MAOA: variants seen among roughly 807,000 people sequenced by gnomAD.
MAOA encodes monoamine oxidase A.
Under a neutral mutation model 42.0 loss-of-function variants are expected in MAOA, and 6 were observed. That is an observed-to-expected ratio of 0.14 (90% CI 0.08 to 0.28). The LOEUF (loss-of-function observed/expected upper bound fraction) is 0.28. MAOA is among the 10% of genes least tolerant of loss of function. The pLI is 1.00. For synonymous variants in MAOA, 140 were observed against 154.0 expected (o/e 0.91, Z 0.67); for missense variants, 262 against 422.3 (o/e 0.62, Z 3.33).
intron 5 of MAOA, among the ~76,000 whole-genome samples, chrX:43,723,098 G>A (rs2033804194): frequency 9.0e-6 from 1 of 111,686 alleles, no homozygotes; most frequent in African/African-American, 3.3e-5. Context: ...TAACCTTGTA[G>A]TATAGTTTGA....
chrX:43,720,783 T>G (rs2033782744), intron 5 of MAOA, among the ~76,000 whole-genome samples: 1 of 100,028 alleles, frequency 1.0e-5, no homozygotes. Flanking sequence ...TGGAATTTGG[T>G]TGTGGGGTGG....
chrX:43,721,688 CT>C (rs377498903), intron 5 of MAOA, among the ~76,000 whole-genome samples: 167 of 99,247 alleles, frequency 1.7e-3, no homozygotes, highest in East Asian at 3.8e-3. Flanking sequence ...CTCATAATTT[CT>C]TTTTTTTTTT....
At chrX:43,711,775 C>A (rs1179221715) in intron 3 of MAOA, 97 bp from the exon 4 acceptor site, 3 of 624,151 alleles carry the variant, frequency 4.8e-6, no homozygotes, top group Non-Finnish European at 8.1e-6. Context: ...GGTTACTTTG[C>A]AAGTCTTAGG....
At position 43,746,199 on chromosome X, in the gene MAOA, T is replaced by C. The variant is rs2033997628; in HGVS notation, c.*1686T>C. On this transcript the variant is annotated 3_prime_UTR_variant, in exon 15 of 15. Transcript: ENST00000338702. ...GAAATGCTGATTTAAACTTCTTAAC[T>C]GGCAACAGTTGGAACAGTAATCAGT... 1 of 112,597 alleles carries C rather than the reference T, an allele frequency of 8.9e-6. No homozygotes were observed. The highest frequency in any genetic ancestry group is 3.2e-5 in the African/African-American group (1 of 31,007). 9.3% of individuals were successfully genotyped at this position (112,597 alleles called of 1,213,427 possible). A position where few individuals can be genotyped will look rare whatever the true frequency, so the allele number is the denominator to read the frequency against.
chrX:43,716,196 G>A (rs1232236942), intron 5 of MAOA, among the ~76,000 whole-genome samples: 1 of 111,483 alleles, frequency 9.0e-6, no homozygotes, highest in Non-Finnish European at 1.9e-5. Flanking sequence ...GATGGTGTAG[G>A]AAGATCGTAT....
intron 2 of MAOA, among the ~76,000 whole-genome samples, chrX:43,684,810 T>C (rs753555523): frequency 1.7e-4 from 19 of 110,782 alleles, no homozygotes; most frequent in African/African-American, 6.2e-4. Context: ...TAGTCCAGGC[T>C]GGTGCTCTTG....
Position 43,746,323 on chromosome X carries a change from C to T in MAOA, c.*1810C>T, listed in dbSNP as rs1022156066. The T allele has an allele frequency of 8.9e-6, 1 of 111,908 alleles. No homozygotes were observed. Among genetic ancestry groups the T allele is most frequent in the Non-Finnish European group, 1.9e-5 (1 of 53,207 alleles). 9.2% of individuals were successfully genotyped at this position (111,908 alleles called of 1,213,427 possible). On this transcript the variant is annotated 3_prime_UTR_variant, in exon 15 of 15. Coordinates refer to ENST00000338702, the MANE Select transcript of MAOA (RefSeq NM_000240.4). ...TTTAATTTATTCTAATTAGATTAAC[C>T]CTATTAATCTATGGATTGGGTATCA... is the stretch of plus-strand genomic sequence containing the variant.
intron 2 of MAOA, among the ~76,000 whole-genome samples, chrX:43,692,602 G>A (rs1299573889): frequency 5.6e-5 from 6 of 106,896 alleles, no homozygotes; most frequent in Non-Finnish European, 1.2e-4. Context: ...AATAGACACA[G>A]ACCCTTTATT....
At chrX:43,724,043 G>A (rs779827284) in intron 5 of MAOA, among the ~76,000 whole-genome samples, 1 of 111,414 alleles carries the variant, frequency 9.0e-6, no homozygotes, top group Non-Finnish European at 1.9e-5. Flanking sequence ...CTTGATCTTG[G>A]TGGATACGCT....
chrX:43,702,228 A>G (rs1335171711), intron 3 of MAOA, among the ~76,000 whole-genome samples: 1 of 111,877 alleles, frequency 8.9e-6, no homozygotes, highest in African/African-American at 3.3e-5. Context: ...TCACGTGCAG[A>G]CTCAAACCTT....
intron 3 of MAOA, among the ~76,000 whole-genome samples, chrX:43,698,997 T>C (rs761889518): frequency 9.0e-6 from 1 of 111,662 alleles, no homozygotes; most frequent in East Asian, 2.8e-4. Context: ...TCTTTATCGG[T>C]TGCACATGGT....
intron 5 of MAOA, among the ~76,000 whole-genome samples, chrX:43,714,850 G>A (rs1156704213): frequency 9.1e-6 from 1 of 109,512 alleles, no homozygotes; most frequent in Non-Finnish European, 1.9e-5. Flanking sequence ...CTCTCTCTGG[G>A]GAGAGAAAGG....
At chrX:43,687,246 G>C (rs1024574531) in intron 2 of MAOA, among the ~76,000 whole-genome samples, 7 of 111,843 alleles carry the variant, frequency 6.3e-5, no homozygotes, top group Non-Finnish European at 1.3e-4. Flanking sequence ...TGAATTTGAG[G>C]CACTTCATTT....
At chrX:43,712,052 G>A (rs1010999060) in intron 4 of MAOA, 76 bp downstream of exon 4, 3 of 764,422 alleles carry the variant, frequency 3.9e-6, no homozygotes, top group Non-Finnish European at 6.1e-6. Context: ...CTTCCATAGT[G>A]CAGGGAACAT....
chrX:43,680,096 A>G (rs754098873), intron 1 of MAOA, among the ~76,000 whole-genome samples: 3 of 112,050 alleles, frequency 2.7e-5, no homozygotes, highest in Non-Finnish European at 5.6e-5. Flanking sequence ...GGCATCAGCA[A>G]TGTAAGAGTA....
At chrX:43,677,356 T>C (rs1318168556) in intron 1 of MAOA, among the ~76,000 whole-genome samples, 1 of 112,030 alleles carries the variant, frequency 8.9e-6, no homozygotes, top group Non-Finnish European at 1.9e-5. Flanking sequence ...GCAGTTGCTT[T>C]AAGAACCTGA....
At chrX:43,699,646 AT>A (rs372833375) in intron 3 of MAOA, among the ~76,000 whole-genome samples, 54 of 107,071 alleles carry the variant, frequency 5.0e-4, no homozygotes, top group Middle Eastern at 4.7e-3. Flanking sequence ...CTCAGCAAGA[AT>A]TTTTTTTTTT....
chrX:43,674,036 G>T (rs1255635370), intron 1 of MAOA, among the ~76,000 whole-genome samples: 6 of 112,669 alleles, frequency 5.3e-5, no homozygotes, highest in Non-Finnish European at 1.9e-5. Context: ...GTCTAATGTT[G>T]ACAGTGGGGT....
At chrX:43,737,818 C>G (rs1230520761) in intron 10 of MAOA, among the ~76,000 whole-genome samples, 1 of 111,465 alleles carries the variant, frequency 9.0e-6, no homozygotes, top group Non-Finnish European at 1.9e-5. Flanking sequence ...TAGCATATAG[C>G]GCATACTTTT....
Sources: gnomAD v4.1 joint callset for allele counts (sites outside exome capture counted in the v4.1 genomes callset) on GRCh38, gnomAD v4.1.1 for gene constraint, MANE v1.5 for transcripts, NCBI Gene and HGNC (gene_info 2026-07-23, HGNC 2026-07-21) for gene names.